Variants in ETFRF1 observed in about 807,000 individuals in gnomAD.
The protein encoded by ETFRF1 is LYR motif containing 5.
ETFRF1 carries 12 observed loss-of-function variants against 9.0 expected under a neutral mutation model. The observed-to-expected ratio is 1.34, with a 90% CI of 0.86 to 2.16. The LOEUF is 2.16. Among genes scored for constraint, ETFRF1 ranks in the 30% most tolerant of loss-of-function variants. The probability of loss-of-function intolerance (pLI) is 0.00; values close to 1 mark genes in which losing one functional copy is unlikely to be tolerated. For synonymous variants in ETFRF1, 34 were observed against 33.2 expected (o/e 1.02, Z -0.08); for missense variants, 98 against 101.8 (o/e 0.96, Z 0.16).
At chr12:25,195,705 C>T (rs1950981331) in intron 1 of ETFRF1, 1 of 153,730 alleles carries the variant, frequency 6.5e-6, no homozygotes, top group African/African-American at 2.4e-5. Flanking sequence ...ACTTTCTGTG[C>T]AGCGTACGCG....
Position 25,204,333 on chromosome 12 carries a change from C to T in ETFRF1, c.*21C>T. ...ATTGATCATTACTACTTTAATTTAG[C>T]TATCAGTGCCAGCTGTTTATGTATA... On this transcript the variant is annotated 3_prime_UTR_variant, in exon 3 of 3. Transcript: ENST00000381356. 1 of 1,512,776 alleles carries T rather than the reference C, an allele frequency of 6.6e-7. No homozygotes were observed. Among genetic ancestry groups the T allele is most frequent in the Non-Finnish European group, 8.9e-7 (1 of 1,127,682 alleles). The allele number at this position is 1,512,776 out of a possible 1,614,324, so 93.7% of individuals were successfully genotyped here.
chr12:25,197,627 G>A (rs766287875), intron 1 of ETFRF1, among the ~76,000 whole-genome samples: 1 of 151,616 alleles, frequency 6.6e-6, no homozygotes, highest in Non-Finnish European at 1.5e-5. Context: ...ACCATGCCTG[G>A]CTAATATTTT....
chr12:25,202,061 T>TAAAAAAAAAAAAAAAA (rs1951077531), intron 1 of ETFRF1, among the ~76,000 whole-genome samples: 1 of 5,720 alleles, frequency 1.7e-4, no homozygotes, highest in African/African-American at 2.6e-4. Flanking sequence ...TCTACTGAAA[T>TAAAAAAAAAAAAAAAA]ACAAAAAAAA....
At chr12:25,199,615 T>TACACACACAC (rs769056865) in intron 1 of ETFRF1, among the ~76,000 whole-genome samples, 1,565 of 111,254 alleles carry the variant, frequency 0.014, 9 homozygotes, top group Non-Finnish European at 0.02. Flanking sequence ...CATATATGTA[T>TACACACACAC]ACATACACAC....
intron 1 of ETFRF1, among the ~76,000 whole-genome samples, chr12:25,200,914 T>C (rs1411201981): frequency 6.6e-6 from 1 of 152,222 alleles, no homozygotes; most frequent in Admixed American, 6.5e-5. Flanking sequence ...GCAGCATGAC[T>C]CACATTGATG....
chr12:25,198,686 T>TA (rs1231462018), intron 1 of ETFRF1, among the ~76,000 whole-genome samples: 1 of 152,222 alleles, frequency 6.6e-6, no homozygotes, highest in Non-Finnish European at 1.5e-5. Context: ...ATATGCTTGT[T>TA]ATGTGAATTA....
intron 1 of ETFRF1, among the ~76,000 whole-genome samples, chr12:25,200,308 A>G (rs1027213589): frequency 6.6e-6 from 1 of 152,226 alleles, no homozygotes; most frequent in Non-Finnish European, 1.5e-5. Flanking sequence ...GGAAGGGAGA[A>G]AAAAGAAAAT....
At chr12:25,199,055 ATTATT>A (rs2141467376) in intron 1 of ETFRF1, among the ~76,000 whole-genome samples, 1 of 152,148 alleles carries the variant, frequency 6.6e-6, no homozygotes, top group African/African-American at 2.4e-5. Flanking sequence ...TGGCATTTCT[ATTATT>A]TTTTTAAGTT....
chr12:25,199,570 A>G (rs1457765087), intron 1 of ETFRF1, among the ~76,000 whole-genome samples: 1 of 150,986 alleles, frequency 6.6e-6, no homozygotes, highest in Non-Finnish European at 1.5e-5. Flanking sequence ...TATACTATAT[A>G]GTATCTATAC....
chr12:25,203,908 T>C lies in ETFRF1; in HGVS notation c.-37-12T>C. 2.2e-6 allele frequency: 3 copies of C among 1,368,930 alleles called. No homozygotes were observed. Among genetic ancestry groups the C allele is most frequent in the Non-Finnish European group, 2.9e-6 (3 of 1,045,024 alleles). The allele number at this position is 1,368,930 out of a possible 1,614,324, so 84.8% of individuals were successfully genotyped here. A position where few individuals can be genotyped will look rare whatever the true frequency, so the allele number is the denominator to read the frequency against. ...AATGCAGCTAATTGCAAAAAAATTT[T>C]CCTTTCTTTAGGTATGTTATGCATA... is the stretch of plus-strand genomic sequence containing the variant. On this transcript the variant is annotated splice_polypyrimidine_tract_variant and intron_variant, in intron 1 of 2. Transcript: ENST00000381356.
At chr12:25,198,772 A>T (rs1398446823) in intron 1 of ETFRF1, among the ~76,000 whole-genome samples, 1 of 152,236 alleles carries the variant, frequency 6.6e-6, no homozygotes, top group African/African-American at 2.4e-5. Flanking sequence ...AAGAGGAGCC[A>T]GAAAAGCAGT....
In ETFRF1 at chr12:25,203,990, C is replaced by T; in HGVS notation, c.34C>T (p.Leu12=). 6.6e-7 allele frequency: 1 copy of T among 1,505,206 alleles called. No homozygotes were observed. Among genetic ancestry groups the T allele is most frequent in the Admixed American group, 2.4e-5 (1 of 41,708 alleles). 93.2% of individuals were successfully genotyped at this position (1,505,206 alleles called of 1,614,324 possible). The change falls in exon 2 of 3, where the codon CTA becomes TTA. Residue 12 remains leucine, a synonymous_variant. Transcript: ENST00000381356. ...GGCCAATTCTTTAAGAGGAGAAGTACTAAAACTTTATAAAAATGTAAGTAA... is the reference window on the plus strand; with the variant it reads ...GGCCAATTCTTTAAGAGGAGAAGTATTAAAACTTTATAAAAATGTAAGTAA... ...KMANSLRGEV[L]KLYKNLLYLG... is the part of the protein sequence containing the mutation.
chr12:25,204,400 T>A lies in ETFRF1; in HGVS notation c.*88T>A. ...AATTCTAACTTAAAATGGGAAGATATACATGTTGTGTAAAAAATCCCTGAG... is the reference window on the plus strand; with the variant it reads ...AATTCTAACTTAAAATGGGAAGATAAACATGTTGTGTAAAAAATCCCTGAG... On this transcript the variant is annotated 3_prime_UTR_variant, in exon 3 of 3. Coordinates refer to ENST00000381356, the MANE Select transcript of ETFRF1 (RefSeq NM_001001660.3). 9.0e-7 allele frequency: 1 copy of A among 1,116,614 alleles called. No individual in the cohort carries two copies. Among genetic ancestry groups the A allele is most frequent in the South Asian group, 2.1e-5 (1 of 48,036 alleles). The allele number at this position is 1,116,614 out of a possible 1,614,324, so 69.2% of individuals were successfully genotyped here. A position where few individuals can be genotyped will look rare whatever the true frequency, so the allele number is the denominator to read the frequency against.
At position 25,200,147 on chromosome 12, in the gene ETFRF1, T is replaced by C. The variant is rs188813874; in HGVS notation, c.-37-3773T>C. On this transcript the variant is annotated intron_variant, in intron 1 of 2. Transcript: ENST00000381356. ...ATCACTTGAACCCAGGAGGCGGAGGTTGCAATGAGTTGAGATCAGGCCATT... is the reference window on the plus strand; with the variant it reads ...ATCACTTGAACCCAGGAGGCGGAGGCTGCAATGAGTTGAGATCAGGCCATT... Among the ~76,000 whole-genome samples, 68 of 151,792 alleles carry C rather than the reference T, an allele frequency of 4.5e-4. 1 individual carries two copies. In the South Asian group the frequency reaches 6.7e-3, roughly 15 times the overall value.
intron 1 of ETFRF1, among the ~76,000 whole-genome samples, chr12:25,200,988 A>G (rs1469217688): frequency 6.6e-6 from 1 of 152,244 alleles, no homozygotes; most frequent in African/African-American, 2.4e-5. Flanking sequence ...CATTATGCCC[A>G]GGCAAGCCTG....
chr12:25,199,180 TAATA>T (rs1304396105), intron 1 of ETFRF1, among the ~76,000 whole-genome samples: 1 of 150,382 alleles, frequency 6.6e-6, no homozygotes, highest in Non-Finnish European at 1.5e-5. Flanking sequence ...ATATGTGCTA[TAATA>T]TATACTACAT....
chr12:25,203,920 G>T lies in ETFRF1; in HGVS notation c.-37G>T. The T allele has an allele frequency of 7.1e-7, 1 of 1,399,698 alleles. No individual in the cohort carries two copies. The highest frequency in any genetic ancestry group is 9.3e-7 in the Non-Finnish European group (1 of 1,070,532). The allele number at this position is 1,399,698 out of a possible 1,614,324, so 86.7% of individuals were successfully genotyped here. ...TGCAAAAAAATTTTCCTTTCTTTAG[G>T]TATGTTATGCATAAAAGTGGATAAT... On this transcript the variant is annotated splice_region_variant and 5_prime_UTR_variant, in exon 2 of 3. Transcript: ENST00000381356.
chr12:25,203,969 A>C lies in ETFRF1; in HGVS notation c.13A>C (p.Asn5His). 1.4e-6 allele frequency: 2 copies of C among 1,478,640 alleles called. No individual in the cohort carries two copies. Among genetic ancestry groups the C allele is most frequent in the South Asian group, 1.4e-5 (1 of 71,028 alleles). 91.6% of individuals were successfully genotyped at this position (1,478,640 alleles called of 1,614,324 possible). MKMA[N>H]SLRGEVLKLY... ...ATTTACATGATAAATGAAAATGGCC[A>C]ATTCTTTAAGAGGAGAAGTACTAAA... is the stretch of plus-strand genomic sequence containing the variant. The change falls in exon 2 of 3, where the codon AAT (asparagine) becomes CAT (histidine). Residue 5 changes from asparagine to histidine, a missense_variant. Transcript: ENST00000381356.
At chr12:25,198,729 A>G (rs1237020918) in intron 1 of ETFRF1, among the ~76,000 whole-genome samples, 1 of 152,256 alleles carries the variant, frequency 6.6e-6, no homozygotes, top group Non-Finnish European at 1.5e-5. Context: ...CAATTTAACA[A>G]GTATTAATGT....
Sources: allele counts gnomAD v4.1 joint callset (sites outside exome capture counted in the v4.1 genomes callset), GRCh38; gene constraint gnomAD v4.1.1; transcripts MANE v1.5; gene names NCBI Gene and HGNC (gene_info 2026-07-23, HGNC 2026-07-21).